FAM219A: variants seen among roughly 807,000 people sequenced by gnomAD.
FAM219A encodes the protein family with sequence similarity 219 member A, also known as protein FAM219A.
FAM219A carries 7 observed loss-of-function variants against 23.4 expected under a neutral mutation model. The observed-to-expected ratio is 0.30, with a 90% confidence interval of 0.17 to 0.56. The LOEUF (loss-of-function observed/expected upper bound fraction) is 0.56. Among genes scored for constraint, FAM219A ranks in the 20% least tolerant of loss-of-function variants. The probability of loss-of-function intolerance (pLI) is 0.92; values close to 1 mark genes in which losing one functional copy is unlikely to be tolerated. For missense variants in FAM219A, 166 were observed against 246.9 expected, an observed-to-expected ratio of 0.67 and a Z score of 2.20; for synonymous variants, 93 against 99.0, an observed-to-expected ratio of 0.94 and a Z score of 0.36.
Position 34,458,445 on chromosome 9 carries a change from A to G in FAM219A, c.-182T>C, listed in dbSNP as rs894880869. 5.5e-6 allele frequency: 2 copies of G among 366,056 alleles called. No homozygotes were observed. Among genetic ancestry groups the G allele is most frequent in the Non-Finnish European group, 9.5e-6 (2 of 210,708 alleles). The allele number at this position is 366,056 out of a possible 1,614,324, so 22.7% of individuals were successfully genotyped here. ...GGGCGAGAGGTTCGCAGACTGGCTG[A>G]GGCCGGCGTGACTCCGTGGGCTTGC... On this transcript the variant is annotated 5_prime_UTR_variant, in exon 1 of 6. Transcript: ENST00000651358. The surrounding 1 kb of genome is among the most constrained non-coding windows in gnomAD (Gnocchi z 6.6).
At chr9:34,401,798 G>A (rs957556405) in intron 4 of FAM219A, 78 bp from the exon 5 acceptor site, 9 of 1,467,150 alleles carry the variant, frequency 6.1e-6, no homozygotes, top group Non-Finnish European at 8.5e-6. Flanking sequence ...CCTCCCATTA[G>A]GCAGCATCCT....
chr9:34,421,582 T>C (rs1397099400), intron 1 of FAM219A, among the ~76,000 whole-genome samples: 1 of 151,920 alleles, frequency 6.6e-6, no homozygotes, highest in Non-Finnish European at 1.5e-5. Context: ...CAGGCATCAA[T>C]AGGAAAGGCC....
In FAM219A at chr9:34,401,372, C is replaced by A. The variant is rs532410873; in HGVS notation, c.400-250G>T. On this transcript the variant is annotated intron_variant, in intron 5 of 5. Transcript: ENST00000651358. ...TCACACCTCTGGTCCTGCTCCTATT[C>A]GGGTTTTGCCCCTATCTCAGGCCGG... is the stretch of plus-strand genomic sequence containing the variant. Among the ~76,000 whole-genome samples the A allele has an allele frequency of 6.0e-4, 91 of 152,320 alleles. 1 individual carries two copies. Among genetic ancestry groups the A allele is most frequent in the Admixed American group, 1.3e-3 (20 of 15,302 alleles).
At chr9:34,416,683 A>C (rs1319698180) in intron 1 of FAM219A, among the ~76,000 whole-genome samples, 1 of 151,806 alleles carries the variant, frequency 6.6e-6, no homozygotes, top group African/African-American at 2.4e-5. Flanking sequence ...GGTTGCAGTG[A>C]GCCAAGATCA....
At chr9:34,433,986 A>G (rs572809077) in intron 1 of FAM219A, among the ~76,000 whole-genome samples, 250 of 152,196 alleles carry the variant, frequency 1.6e-3, no homozygotes, top group African/African-American at 5.8e-3. Context: ...GCGGATCACA[A>G]GGTCAGGAGA....
At chr9:34,405,806 C>T in intron 2 of FAM219A, 59 bp downstream of exon 2, 6 of 1,532,238 alleles carry the variant, frequency 3.9e-6, no homozygotes, top group Non-Finnish European at 5.4e-6. Context: ...TCATTGTAGA[C>T]CCAGCCCAGA....
At chr9:34,407,262 C>T (rs1311963554) in intron 1 of FAM219A, among the ~76,000 whole-genome samples, 2 of 152,088 alleles carry the variant, frequency 1.3e-5, no homozygotes, top group East Asian at 1.9e-4. Context: ...GGGGGTCTGG[C>T]TTCCCTTTAA....
chr9:34,439,480 G>A (rs916193799), intron 1 of FAM219A, among the ~76,000 whole-genome samples: 3 of 152,148 alleles, frequency 2.0e-5, no homozygotes, highest in Admixed American at 6.5e-5. Flanking sequence ...AAGGACCCAC[G>A]TTAATAGACT....
At chr9:34,418,826 T>G (rs140564724) in intron 1 of FAM219A, among the ~76,000 whole-genome samples, 1 of 152,090 alleles carries the variant, frequency 6.6e-6, no homozygotes, top group Non-Finnish European at 1.5e-5. Context: ...TCCCAGCACT[T>G]TGGGAGGCCG....
intron 1 of FAM219A, among the ~76,000 whole-genome samples, chr9:34,437,153 G>T (rs905481030): frequency 6.6e-6 from 1 of 152,150 alleles, no homozygotes; most frequent in Admixed American, 6.5e-5. Context: ...TATCTTTCAT[G>T]AGGAAATTGC....
intron 1 of FAM219A, among the ~76,000 whole-genome samples, chr9:34,420,356 T>A (rs1822219449): frequency 6.6e-6 from 1 of 152,184 alleles, no homozygotes; most frequent in African/African-American, 2.4e-5. Flanking sequence ...AGATTGGGCC[T>A]GGGCAGGAGC....
At chr9:34,413,493 AT>A (rs1821898167) in intron 1 of FAM219A, among the ~76,000 whole-genome samples, 1 of 152,144 alleles carries the variant, frequency 6.6e-6, no homozygotes, top group Admixed American at 6.5e-5. Context: ...CAGAGACATG[AT>A]TCAATATCAG....
chr9:34,416,559 T>C (rs1045542212), intron 1 of FAM219A, among the ~76,000 whole-genome samples: 1 of 151,904 alleles, frequency 6.6e-6, no homozygotes, highest in Non-Finnish European at 1.5e-5. Context: ...AGGCCAGGAG[T>C]TCGAGACCAG....
intron 1 of FAM219A, among the ~76,000 whole-genome samples, chr9:34,421,044 G>GAGAGAGAGAGAGAGAGAGAGAGAGAC (rs770336544): frequency 6.8e-6 from 1 of 146,856 alleles, no homozygotes; most frequent in African/African-American, 2.6e-5. Context: ...GAGAGAGAGA[G>GAGAGAGAGAGAGAGAGAGAGAGAGAC]AATGGCTCTG....
At chr9:34,401,231 A>G in intron 5 of FAM219A, 109 bp from the exon 6 acceptor site, 1 of 1,345,376 alleles carries the variant, frequency 7.4e-7, no homozygotes, top group Non-Finnish European at 1.0e-6. Flanking sequence ...TGCCCTGGAT[A>G]TCAGCCCCGC....
chr9:34,439,647 A>G (rs1429370967), intron 1 of FAM219A, among the ~76,000 whole-genome samples: 1 of 152,148 alleles, frequency 6.6e-6, no homozygotes, highest in African/African-American at 2.4e-5. Flanking sequence ...TAGAAGGTGC[A>G]GCAAAAGCAT....
At position 34,400,982 on chromosome 9, in the gene FAM219A, G is replaced by T; in HGVS notation, c.540C>A (p.Thr180=). The stretch of plus-strand genomic sequence containing the variant: ...CCGCCCGCTACTGAATGTGGCAGGC[G>T]GTGGAGGACGTGGCCTGGCAGCACA... ...TCMCCQATSS[T]ACHIQ Residue 180 remains threonine (T), a synonymous_variant, in exon 6 of 6, where the codon ACC becomes ACA. Coordinates refer to ENST00000651358, the MANE Select transcript of FAM219A (RefSeq NM_001184940.2). 2 of 1,556,002 alleles carry T rather than the reference G, an allele frequency of 1.3e-6. No individual in the cohort carries two copies. Among genetic ancestry groups the T allele is most frequent in the Non-Finnish European group, 1.7e-6 (2 of 1,146,978 alleles).
chr9:34,458,303 G>C lies in FAM219A; in HGVS notation c.-40C>G. On this transcript the variant is annotated 5_prime_UTR_variant, in exon 1 of 6. Transcript: ENST00000651358. The surrounding 1 kb of genome is among the most constrained non-coding windows in gnomAD (Gnocchi z 6.6). ...AGCGGGCCAGGGGCCGGGCGCGGCC[G>C]CGGACGCCGACAGGACCGCGCGGGG... 1 of 1,333,332 alleles carries C rather than the reference G, an allele frequency of 7.5e-7. No individual in the cohort carries two copies. Among genetic ancestry groups the C allele is most frequent in the Non-Finnish European group, 9.6e-7 (1 of 1,041,166 alleles). 82.6% of individuals were successfully genotyped at this position (1,333,332 alleles called of 1,614,324 possible).
intron 1 of FAM219A, among the ~76,000 whole-genome samples, chr9:34,448,259 C>T (rs1823439052): frequency 6.6e-6 from 1 of 152,280 alleles, no homozygotes; most frequent in South Asian, 2.1e-4. Flanking sequence ...CCCAAGAGTT[C>T]CCCTTTCCTG....
Sources: allele counts gnomAD v4.1 joint callset (sites outside exome capture counted in the v4.1 genomes callset), GRCh38; gene constraint gnomAD v4.1.1; non-coding constraint Gnocchi (gnomAD v3.1); transcripts MANE v1.5; gene names NCBI Gene and HGNC (gene_info 2026-07-23, HGNC 2026-07-21).